CAPN13: variants seen among roughly 807,000 people sequenced by gnomAD.
CAPN13 encodes calpain-13.
CAPN13 carries 90 observed loss-of-function variants against 98.4 expected under a neutral mutation model. That is an observed-to-expected ratio of 0.92 (90% CI 0.77 to 1.09). The LOEUF (loss-of-function observed/expected upper bound fraction) is 1.09, where lower values mean the gene tolerates loss of function less well. Ranked by LOEUF, CAPN13 falls within the 50% of genes least tolerant of loss-of-function variation. CAPN13 has a pLI of 0.00. For synonymous variants in CAPN13, 330 were observed against 305.5 expected, an observed-to-expected ratio of 1.08 and a Z score of -0.84; for missense variants, 887 against 841.3, an observed-to-expected ratio of 1.05 and a Z score of -0.67.
intron 4 of CAPN13, among the ~76,000 whole-genome samples, chr2:30,770,907 AG>A (rs1375676917): frequency 3.3e-5 from 5 of 152,334 alleles, no homozygotes; most frequent in Admixed American, 6.5e-5. Flanking sequence ...GCAGGATTTA[AG>A]CACGTGGCAG....
At chr2:30,790,912 A>G (rs184926180) in intron 1 of CAPN13, among the ~76,000 whole-genome samples, 1 of 152,338 alleles carries the variant, frequency 6.6e-6, no homozygotes, top group Admixed American at 6.5e-5. Flanking sequence ...TCCTCTTCTT[A>G]TAAGACCACA....
intron 8 of CAPN13, among the ~76,000 whole-genome samples, chr2:30,755,612 G>A (rs1672404204): frequency 6.6e-6 from 1 of 152,074 alleles, no homozygotes; most frequent in African/African-American, 2.4e-5. Context: ...TTAGAGGGGA[G>A]GCATGCTTGT....
At chr2:30,738,502 G>A (rs1271788470) in intron 15 of CAPN13, 45 bp from the exon 16 acceptor site, 1 of 1,553,562 alleles carries the variant, frequency 6.4e-7, no homozygotes, top group Admixed American at 1.9e-5. Context: ...TCAGTGCCAG[G>A]ATCTGAGAGG....
At chr2:30,736,753 T>C in intron 17 of CAPN13, 182 bp from the exon 18 acceptor site, 1 of 594,136 alleles carries the variant, frequency 1.7e-6, no homozygotes, top group Non-Finnish European at 3.0e-6. Context: ...TTAGATTTGT[T>C]TTACAAAGAA....
chr2:30,741,684 T>A, intron 15 of CAPN13: 3 of 1,396,944 alleles, frequency 2.1e-6, no homozygotes, highest in East Asian at 2.7e-5. Context: ...AAGCTCTGCA[T>A]TCCAGCTTGA....
At chr2:30,769,954 C>T (rs183219274) in intron 5 of CAPN13, among the ~76,000 whole-genome samples, 11 of 152,336 alleles carry the variant, frequency 7.2e-5, no homozygotes, top group Non-Finnish European at 1.3e-4. Flanking sequence ...CCACCACCTC[C>T]ACACAGCCTC....
chr2:30,734,375 C>T, intron 19 of CAPN13, 74 bp downstream of exon 19: 1 of 1,163,814 alleles, frequency 8.6e-7, no homozygotes, highest in Non-Finnish European at 1.3e-6. Context: ...TTGTGCCAGC[C>T]TTGCTACTAG....
chr2:30,732,218 G>A (rs868656756), intron 20 of CAPN13, among the ~76,000 whole-genome samples: 3 of 152,178 alleles, frequency 2.0e-5, no homozygotes, highest in Admixed American at 1.3e-4. Flanking sequence ...TCAGGGTGAT[G>A]AGGAAAAGAG....
chr2:30,744,160 A>T (rs552139055), intron 12 of CAPN13, among the ~76,000 whole-genome samples: 1 of 152,276 alleles, frequency 6.6e-6, no homozygotes, highest in Non-Finnish European at 1.5e-5. Context: ...TACATATTAT[A>T]TAATGAAAAC....
At chr2:30,761,006 T>C (rs187849530) in intron 7 of CAPN13, among the ~76,000 whole-genome samples, 36 of 152,236 alleles carry the variant, frequency 2.4e-4, no homozygotes, top group Non-Finnish European at 4.0e-4. Flanking sequence ...TTAACAGTTA[T>C]TCCTAGCAAA....
intron 22 of CAPN13, among the ~76,000 whole-genome samples, chr2:30,728,422 G>A (rs912786549): frequency 6.8e-6 from 1 of 147,524 alleles, no homozygotes; most frequent in African/African-American, 2.4e-5. Context: ...TGAATAATAT[G>A]GGAACCCATA....
At chr2:30,765,105 G>A (rs17010218) in intron 5 of CAPN13, among the ~76,000 whole-genome samples, 6,059 of 152,234 alleles carry the variant, frequency 0.04, 348 homozygotes, top group African/African-American at 0.12. Context: ...AGATGGGCAG[G>A]GCCAGACCCA....
intron 7 of CAPN13, among the ~76,000 whole-genome samples, chr2:30,758,554 G>T (rs921136): frequency 6.6e-6 from 1 of 152,180 alleles, no homozygotes; most frequent in African/African-American, 2.4e-5. Context: ...ATTCTCTGCC[G>T]GCAGCCCAGT....
intron 9 of CAPN13, among the ~76,000 whole-genome samples, chr2:30,753,486 C>A (rs192829232): frequency 6.6e-6 from 1 of 152,206 alleles, no homozygotes; most frequent in African/African-American, 2.4e-5. Context: ...CTTTCATGAT[C>A]AGTGGGACGA....
At chr2:30,734,366 T>C in intron 19 of CAPN13, 83 bp downstream of exon 19, 1 of 1,043,482 alleles carries the variant, frequency 9.6e-7, no homozygotes, top group Non-Finnish European at 1.5e-6. Context: ...CTGGCACTGT[T>C]GTGCCAGCCT....
intron 2 of CAPN13, among the ~76,000 whole-genome samples, chr2:30,786,061 C>T (rs1171713338): frequency 6.6e-6 from 1 of 152,184 alleles, no homozygotes; most frequent in African/African-American, 2.4e-5. Context: ...AGCCTGATGT[C>T]TTCAGTTCTC....
intron 1 of CAPN13, among the ~76,000 whole-genome samples, chr2:30,805,553 C>T (rs1234412261): frequency 6.6e-6 from 1 of 152,094 alleles, no homozygotes; most frequent in East Asian, 1.9e-4. Flanking sequence ...CTGCTAAGTG[C>T]TTTCCATATA....
chr2:30,770,432 C>T lies in CAPN13; in HGVS notation c.405G>A (p.Gln135=). ...GGTCATCAATCACCACTTCCACCCA[C>T]TGGCCACATTGCCAGAACTGGAAGA... The part of the protein sequence containing the change: ...IFRFRFWQCG[Q]WVEVVIDDRL... The change falls in exon 5 of 23, where the codon CAG becomes CAA. Residue 135 remains glutamine, a synonymous_variant. Coordinates refer to ENST00000295055, the MANE Select transcript of CAPN13 (RefSeq NM_144575.3). 2 of 1,613,966 alleles carry T rather than the reference C, an allele frequency of 1.2e-6. No individual in the cohort carries two copies. The highest frequency in any genetic ancestry group is 1.7e-6 in the Non-Finnish European group (2 of 1,179,836).
intron 22 of CAPN13, 84 bp downstream of exon 22, chr2:30,730,646 G>C (rs376718952): frequency 1.4e-6 from 1 of 730,386 alleles, no homozygotes; most frequent in African/African-American, 1.7e-5. Context: ...CTCTCCCAAG[G>C]AGAGAGTCTT....
Sources: allele counts gnomAD v4.1 joint callset (sites outside exome capture counted in the v4.1 genomes callset), GRCh38; gene constraint gnomAD v4.1.1; transcripts MANE v1.5; gene names NCBI Gene and HGNC (gene_info 2026-07-23, HGNC 2026-07-21).